The following PHF24 variants were observed in gnomAD, a reference collection of about 807,000 sequenced individuals.
The protein encoded by PHF24 is Galpha inhibitory interacting protein.
A neutral mutation model predicts 42.6 loss-of-function variants in PHF24; 25 were observed. That is an observed-to-expected ratio of 0.59 (90% CI 0.43 to 0.82). PHF24 has a LOEUF of 0.82. PHF24 is among the 40% of genes least tolerant of loss of function. The probability of loss-of-function intolerance (pLI) is 0.00; values close to 1 mark genes in which losing one functional copy is unlikely to be tolerated. For synonymous variants in PHF24, 185 were observed against 204.8 expected (o/e 0.90, Z 0.83); for missense variants, 470 against 538.1 (o/e 0.87, Z 1.25).
At chr9:34,706,983 TA>T in the PHF24 span, among the ~76,000 whole-genome samples, 1,440 of 139,688 alleles carry the variant, frequency 0.01, 15 homozygotes, top group African/African-American at 0.028. Flanking sequence ...AAGCAAGCCT[TA>T]AAAAAAAAAA....
chr9:34,866,126 A>G, the PHF24 span, among the ~76,000 whole-genome samples: 3 of 152,220 alleles, frequency 2.0e-5, no homozygotes, highest in South Asian at 2.1e-4. Context: ...TCTGGGTCAG[A>G]TTATTTTTAA....
At chr9:34,937,417 A>G in the PHF24 span, among the ~76,000 whole-genome samples, 1 of 152,114 alleles carries the variant, frequency 6.6e-6, no homozygotes, top group South Asian at 2.1e-4. Flanking sequence ...GGGCGGTGCA[A>G]GATGTGCTTT....
the PHF24 span, among the ~76,000 whole-genome samples, chr9:34,918,819 A>T: frequency 6.6e-6 from 1 of 152,210 alleles, no homozygotes; most frequent in Non-Finnish European, 1.5e-5. Context: ...GATTATTAAG[A>T]TCACTTTGCA....
the PHF24 span, among the ~76,000 whole-genome samples, chr9:34,820,991 T>G: frequency 6.6e-6 from 1 of 152,334 alleles, no homozygotes; most frequent in Middle Eastern, 3.4e-3. Context: ...TCAGTGCTGT[T>G]GAGCATGTTT....
At chr9:34,902,521 C>T in the PHF24 span, among the ~76,000 whole-genome samples, 1 of 152,080 alleles carries the variant, frequency 6.6e-6, no homozygotes, top group East Asian at 1.9e-4. Flanking sequence ...TGGTGGCATG[C>T]ATCTGTAGTC....
the PHF24 span, among the ~76,000 whole-genome samples, chr9:34,746,234 C>T: frequency 1.3e-5 from 2 of 152,134 alleles, no homozygotes; most frequent in Admixed American, 6.6e-5. Flanking sequence ...GATAAGCTGT[C>T]ACAGGAATTG....
the PHF24 span, among the ~76,000 whole-genome samples, chr9:34,909,330 G>C: frequency 2.0e-5 from 3 of 152,128 alleles, no homozygotes; most frequent in Non-Finnish European, 4.4e-5. Context: ...CAACTTGGGA[G>C]GTTTAGCTAG....
chr9:34,796,520 A>T, the PHF24 span, among the ~76,000 whole-genome samples: 2 of 152,252 alleles, frequency 1.3e-5, no homozygotes, highest in Non-Finnish European at 2.9e-5. Flanking sequence ...GACACGAAGA[A>T]AATAAATGAA....
the PHF24 span, chr9:34,922,257 C>T: frequency 6.3e-7 from 1 of 1,592,516 alleles, no homozygotes; most frequent in South Asian, 1.1e-5. Flanking sequence ...CAAGTTGTCT[C>T]TCAGTAATTG....
At chr9:34,670,221 A>C in the PHF24 span, among the ~76,000 whole-genome samples, 4 of 152,350 alleles carry the variant, frequency 2.6e-5, no homozygotes, top group African/African-American at 9.6e-5. Context: ...AATTAAACAC[A>C]GCACTTTCCT....
chr9:34,744,920 C>T, the PHF24 span, among the ~76,000 whole-genome samples: 6 of 152,078 alleles, frequency 3.9e-5, no homozygotes, highest in Non-Finnish European at 8.8e-5. Context: ...ATCATCTGCT[C>T]CACCAGCCAG....
chr9:34,758,070 G>A, the PHF24 span, among the ~76,000 whole-genome samples: 1 of 152,146 alleles, frequency 6.6e-6, no homozygotes, highest in African/African-American at 2.4e-5. The surrounding 1 kb of genome is among the most constrained non-coding windows in gnomAD (Gnocchi z 4.4). Context: ...AGATGACATC[G>A]CAAGTCTGCT....
chr9:34,952,127 G>C, the PHF24 span, among the ~76,000 whole-genome samples: 1 of 152,158 alleles, frequency 6.6e-6, no homozygotes, highest in Non-Finnish European at 1.5e-5. Flanking sequence ...ACAATTGTCT[G>C]CATGAAAACA....
chr9:34,886,087 C>T, the PHF24 span, among the ~76,000 whole-genome samples: 1 of 152,064 alleles, frequency 6.6e-6, no homozygotes, highest in Admixed American at 6.6e-5. Context: ...AGAAAAATGT[C>T]TGCTTTTAGT....
At chr9:34,975,671 C>A (rs1038242425) in intron 3 of PHF24, among the ~76,000 whole-genome samples, 10 of 152,024 alleles carry the variant, frequency 6.6e-5, no homozygotes, top group African/African-American at 1.9e-4. Context: ...TGATACAACC[C>A]ACTTGGAGCA....
chr9:34,812,230 A>G, the PHF24 span, among the ~76,000 whole-genome samples: 4 of 148,282 alleles, frequency 2.7e-5, no homozygotes, highest in Admixed American at 2.6e-4. Context: ...AAACAAACAC[A>G]TACGTACACA....
At chr9:34,817,659 G>C in the PHF24 span, among the ~76,000 whole-genome samples, 1 of 152,094 alleles carries the variant, frequency 6.6e-6, no homozygotes, top group Non-Finnish European at 1.5e-5. Context: ...AGCGTGGCTT[G>C]TCCTTTCATT....
the PHF24 span, among the ~76,000 whole-genome samples, chr9:34,798,337 T>G: frequency 6.6e-6 from 1 of 152,194 alleles, no homozygotes. Flanking sequence ...TAGTACCTAA[T>G]AGGAAGTTTT....
chr9:34,795,913 G>C, the PHF24 span, among the ~76,000 whole-genome samples: 2 of 151,750 alleles, frequency 1.3e-5, no homozygotes, highest in South Asian at 4.2e-4. Flanking sequence ...GAGGTGTAAG[G>C]GTCACTTGAG....
Sources: gnomAD v4.1 joint callset for allele counts (sites outside exome capture counted in the v4.1 genomes callset) on GRCh38, gnomAD v4.1.1 for gene constraint, Gnocchi (gnomAD v3.1) non-coding constraint, MANE v1.5 for transcripts, NCBI Gene and HGNC (gene_info 2026-07-23, HGNC 2026-07-21) for gene names.